SHANK2: variants seen among roughly 807,000 people sequenced by gnomAD.
The protein encoded by SHANK2 is SH3 and multiple ankyrin repeat domains 2.
Under a neutral mutation model 133.7 loss-of-function variants are expected in SHANK2, and 43 were observed. That is an observed-to-expected ratio of 0.32 (90% CI 0.25 to 0.41). SHANK2 has a LOEUF of 0.41. Among genes scored for constraint, SHANK2 ranks in the 10% least tolerant of loss-of-function variants. SHANK2 has a pLI of 1.00. For missense variants in SHANK2, 1,994 were observed against 2,235.8 expected (o/e 0.89, Z 2.18); for synonymous variants, 1,017 against 952.8 (o/e 1.07, Z -1.24).
intron 2 of SHANK2, among the ~76,000 whole-genome samples, chr11:71,223,591 A>C (rs1954592956): frequency 6.6e-6 from 1 of 152,230 alleles, no homozygotes; most frequent in Non-Finnish European, 1.5e-5. Flanking sequence ...ACCATATTAA[A>C]TCAGGGACTT....
chr11:70,675,770 G>C (rs78331449), intron 15 of SHANK2, among the ~76,000 whole-genome samples: 3,933 of 152,242 alleles, frequency 0.026, 189 homozygotes, highest in African/African-American at 0.089. Flanking sequence ...GGAAATGGTG[G>C]ACCAAATGCT....
At chr11:70,853,417 C>A (rs1555066223) in intron 11 of SHANK2, among the ~76,000 whole-genome samples, 1 of 152,202 alleles carries the variant, frequency 6.6e-6, no homozygotes, top group African/African-American at 2.4e-5. Context: ...GTGCGTCGGC[C>A]ATTGTCACCC....
chr11:71,075,198 C>G lies in SHANK2; in HGVS notation c.990G>C (p.Ser330=). 3.9e-6 allele frequency: 1 copy of G among 257,038 alleles called. No homozygotes were observed. Among genetic ancestry groups the G allele is most frequent in the South Asian group, 7.3e-5 (1 of 13,660 alleles). 15.9% of individuals were successfully genotyped at this position (257,038 alleles called of 1,614,324 possible). A position where few individuals can be genotyped will look rare whatever the true frequency, so the allele number is the denominator to read the frequency against. The change falls in exon 9 of 26, where the codon TCG becomes TCC. Residue 330 remains serine, a synonymous_variant. Coordinates refer to ENST00000601538, the MANE Select transcript of SHANK2 (RefSeq NM_012309.5). Reference sequence around the variant, plus strand: ...CGCAGATGTGCAAGGCCGTGTTCCCCGAGGCATTCTGGGCACTCATGTCTG... The same window carrying G: ...CGCAGATGTGCAAGGCCGTGTTCCCGGAGGCATTCTGGGCACTCATGTCTG... ...YGADMSAQNA[S]GNTALHICAL...
At chr11:70,751,745 G>A (rs1332663058) in intron 14 of SHANK2, among the ~76,000 whole-genome samples, 5 of 152,172 alleles carry the variant, frequency 3.3e-5, no homozygotes, top group East Asian at 1.9e-4. Flanking sequence ...AGAATAAAGC[G>A]ATCTATATGG....
Position 70,485,330 on chromosome 11 carries a change from C to T in SHANK2, c.4963G>A (p.Ala1655Thr), listed in dbSNP as rs561427202. 1.9e-5 allele frequency: 30 copies of T among 1,613,374 alleles called. No individual in the cohort carries two copies. The highest frequency in any genetic ancestry group is 4.0e-5 in the African/African-American group (3 of 75,078). Residue 1655 changes from alanine (A) to threonine (T), a missense_variant, in exon 25 of 26, where the codon GCC (alanine) becomes ACC (threonine). Physicochemically the swap from Ala to Thr is moderately conservative, Grantham distance 58 (BLOSUM62 0). Transcript: ENST00000601538. The surrounding 1 kb of genome is among the most constrained non-coding windows in gnomAD (Gnocchi z 5.8). ...GLDSPMGAKS[A>T]SLAPRSPEIM... ...CGGACTTACCTTGGAGCGAGGCTGG[C>T]GGACTTGGCTCCCATTGGTGAATCC...
chr11:71,232,289 CA>C (rs1954754538), intron 1 of SHANK2, among the ~76,000 whole-genome samples: 1 of 152,176 alleles, frequency 6.6e-6, no homozygotes, highest in South Asian at 2.1e-4. Flanking sequence ...GTGTGGACAG[CA>C]GCATTTGAAT....
rs543239636 is a variant in SHANK2, at chr11:71,212,926, G to A, written c.-13+11771C>T. Among the ~76,000 whole-genome samples the A allele has an allele frequency of 7.3e-5, 11 of 151,674 alleles. No homozygotes were observed. The South Asian group carries it at 2.3e-3, about 32-fold the overall frequency. The stretch of plus-strand genomic sequence containing the variant: ...GGGAGAGGAGCAGGGACCCCAGGCG[G>A]AGGCACAGGGAGAGGAGCAGGGACC... On this transcript the variant is annotated intron_variant, in intron 2 of 25. Transcript: ENST00000601538.
At position 71,125,045 on chromosome 11, in the gene SHANK2, T is replaced by C. The variant is rs371947532; in HGVS notation, c.208-6013A>G. Among the ~76,000 whole-genome samples, 48 of 152,310 alleles carry C rather than the reference T, an allele frequency of 3.2e-4. No individual in the cohort carries two copies. The South Asian group carries it at 9.3e-3, about 30-fold the overall frequency. ...TGGCATGAACCACACCCATATAAGA[T>C]AGGAAACTTAATAAAAGTTCTGTGT... is the stretch of plus-strand genomic sequence containing the variant. On this transcript the variant is annotated intron_variant, in intron 3 of 25. Transcript: ENST00000601538.
intron 14 of SHANK2, among the ~76,000 whole-genome samples, chr11:70,738,188 G>A (rs1239677096): frequency 1.3e-5 from 2 of 152,278 alleles, no homozygotes; most frequent in East Asian, 3.8e-4. Context: ...GGGCTTGGCA[G>A]CAATGCCACG....
At chr11:70,620,637 C>A (rs937878801) in intron 17 of SHANK2, among the ~76,000 whole-genome samples, 4 of 150,866 alleles carry the variant, frequency 2.7e-5, no homozygotes, top group Admixed American at 2.0e-4. Flanking sequence ...ATGTCTGTAT[C>A]CCCCCAAGTT....
rs782089751 is a variant in SHANK2 at position 70,661,694 on chromosome 11, C to T, written c.1854-16G>A. 6.2e-7 allele frequency: 1 copy of T among 1,614,140 alleles called. No individual in the cohort carries two copies. Among genetic ancestry groups the T allele is most frequent in the Non-Finnish European group, 8.5e-7 (1 of 1,180,044 alleles). ...AATGCAGTCACTGTAGAGAGAATTCCGGGGACAGCGACCATTATTGTAGCC... is the reference window on the plus strand; with the variant it reads ...AATGCAGTCACTGTAGAGAGAATTCTGGGGACAGCGACCATTATTGTAGCC... On this transcript the variant is annotated splice_polypyrimidine_tract_variant and intron_variant, in intron 15 of 25. Transcript: ENST00000601538.
At chr11:71,131,574 G>A (rs1269977989) in intron 3 of SHANK2, among the ~76,000 whole-genome samples, 5 of 152,214 alleles carry the variant, frequency 3.3e-5, no homozygotes, top group African/African-American at 9.6e-5. Flanking sequence ...TTGTCAAGGT[G>A]ATGCTAAACT....
chr11:70,875,968 C>T (rs1949554345), intron 11 of SHANK2, among the ~76,000 whole-genome samples: 1 of 150,906 alleles, frequency 6.6e-6, no homozygotes. Flanking sequence ...ACCAGCCTGA[C>T]CAACATGGAG....
intron 13 of SHANK2, among the ~76,000 whole-genome samples, chr11:70,799,624 G>C (rs1252287969): frequency 5.3e-5 from 8 of 152,146 alleles, no homozygotes; most frequent in African/African-American, 1.9e-4. Flanking sequence ...AAGGACTGCA[G>C]TTTTCTTTCT....
chr11:70,921,629 T>C (rs1468426601), intron 10 of SHANK2, among the ~76,000 whole-genome samples: 2 of 152,108 alleles, frequency 1.3e-5, no homozygotes, highest in African/African-American at 4.8e-5. Context: ...AGGAGAGAAA[T>C]GCTGGTAAGC....
chr11:70,651,678 C>T (rs895830415), intron 17 of SHANK2, among the ~76,000 whole-genome samples: 4 of 152,206 alleles, frequency 2.6e-5, no homozygotes, highest in African/African-American at 9.6e-5. Context: ...AGGACAGAAA[C>T]ACCCCACACT....
chr11:71,077,327 G>A (rs937633859), intron 8 of SHANK2, among the ~76,000 whole-genome samples: 11 of 152,254 alleles, frequency 7.2e-5, no homozygotes, highest in South Asian at 2.1e-4. Flanking sequence ...CCCTTCCCCC[G>A]GTTAATCTGA....
In SHANK2 at chr11:70,830,820, G is replaced by A. The variant is rs140449846; in HGVS notation, c.1175-10138C>T. On this transcript the variant is annotated intron_variant, in intron 11 of 25. Transcript: ENST00000601538. The surrounding 1 kb of genome is among the most constrained non-coding windows in gnomAD (Gnocchi z 4.4). ...CAGACGAGGTTCAGAGAGGCTGAGC[G>A]CTAAGCTGCCCAGGGCCTGGGAAGG... 3.6e-3 allele frequency among the ~76,000 whole-genome samples: 545 copies of A among 152,258 alleles called. No homozygotes were observed. Among genetic ancestry groups the A allele is most frequent in the Non-Finnish European group, 6.6e-3 (449 of 68,018 alleles).
intron 2 of SHANK2, among the ~76,000 whole-genome samples, chr11:71,173,292 C>T (rs555765199): frequency 2.0e-5 from 3 of 152,306 alleles, no homozygotes; most frequent in African/African-American, 7.2e-5. Context: ...CTCCTTCTGG[C>T]TGGGATCACT....
Sources: allele counts gnomAD v4.1 joint callset (sites outside exome capture counted in the v4.1 genomes callset), GRCh38; gene constraint gnomAD v4.1.1; non-coding constraint Gnocchi (gnomAD v3.1); transcripts MANE v1.5; gene names NCBI Gene and HGNC (gene_info 2026-07-23, HGNC 2026-07-21).